Variants in NCAM1 observed in about 807,000 individuals in gnomAD.
NCAM1 encodes the protein antigen recognized by monoclonal antibody 5.1H11.
NCAM1 carries 14 observed loss-of-function variants against 109.8 expected under a neutral mutation model. The observed-to-expected ratio is 0.13, with a 90% CI of 0.08 to 0.20. NCAM1 has a LOEUF of 0.20. Among genes scored for constraint, NCAM1 ranks in the 10% least tolerant of loss-of-function variants. The pLI is 1.00. For missense variants in NCAM1, 774 were observed against 1,109.9 expected, an observed-to-expected ratio of 0.70 and a Z score of 4.30; for synonymous variants, 418 against 442.9, an observed-to-expected ratio of 0.94 and a Z score of 0.70.
intron 1 of NCAM1, among the ~76,000 whole-genome samples, chr11:113,153,784 G>A (rs1555102995): frequency 1.3e-5 from 2 of 152,200 alleles, no homozygotes; most frequent in African/African-American, 4.8e-5. Flanking sequence ...GAAGCTCACA[G>A]GTTTGATCAT....
rs1224273232 is a variant in NCAM1, at chr11:112,963,025, C to T, written c.52+1361C>T. Among the ~76,000 whole-genome samples, 2 of 152,050 alleles carry T rather than the reference C, an allele frequency of 1.3e-5. No homozygotes were observed. ...GGGAGCACCCAGTGCGCCCCCTCCGCGGGCGGCACAAGAGCAGCGCTCGGC... is the reference window on the plus strand; with the variant it reads ...GGGAGCACCCAGTGCGCCCCCTCCGTGGGCGGCACAAGAGCAGCGCTCGGC... On this transcript the variant is annotated intron_variant, in intron 1 of 19. Coordinates refer to ENST00000316851, the MANE Select transcript of NCAM1 (RefSeq NM_181351.5). The surrounding 1 kb of genome is among the most constrained non-coding windows in gnomAD (Gnocchi z 4.6).
chr11:113,037,373 G>A (rs924202457), intron 1 of NCAM1, among the ~76,000 whole-genome samples: 1 of 152,158 alleles, frequency 6.6e-6, no homozygotes, highest in Non-Finnish European at 1.5e-5. Context: ...CCTGGGGTCT[G>A]TTCCCAGGCT....
chr11:112,977,307 T>C (rs1555067856), intron 1 of NCAM1: 1 of 151,896 alleles, frequency 6.6e-6, no homozygotes, highest in African/African-American at 2.4e-5. Flanking sequence ...GCAATCTTTA[T>C]AAGCATATGT....
At chr11:113,239,195 G>A in intron 14 of NCAM1, among the ~76,000 whole-genome samples, 1 of 152,180 alleles carries the variant, frequency 6.6e-6, no homozygotes, top group Non-Finnish European at 1.5e-5. Flanking sequence ...TAATGAGGAA[G>A]CTGTGACCCC....
At chr11:113,137,353 T>G (rs2136170193) in intron 1 of NCAM1, among the ~76,000 whole-genome samples, 1 of 152,360 alleles carries the variant, frequency 6.6e-6, no homozygotes, top group East Asian at 1.9e-4. Flanking sequence ...AAAGGAGAAC[T>G]CAGAAAATGT....
At chr11:113,121,638 G>A (rs2136041250) in intron 1 of NCAM1, among the ~76,000 whole-genome samples, 1 of 150,942 alleles carries the variant, frequency 6.6e-6, no homozygotes, top group East Asian at 2.0e-4. Flanking sequence ...AGAATTTACT[G>A]TGGATTTCGG....
chr11:113,221,453 G>T (rs1324201786), intron 9 of NCAM1, 128 bp downstream of exon 9: 2 of 969,860 alleles, frequency 2.1e-6, no homozygotes, highest in South Asian at 1.5e-5. Context: ...GTCGATAGTG[G>T]TAGACATTAC....
chr11:113,188,208 C>T (rs75627963), intron 1 of NCAM1, among the ~76,000 whole-genome samples: 3,983 of 152,164 alleles, frequency 0.026, 169 homozygotes, highest in African/African-American at 0.091. Flanking sequence ...ACGGGCATGT[C>T]GGGGAGATCC....
intron 1 of NCAM1, among the ~76,000 whole-genome samples, chr11:113,181,630 C>G (rs1321802435): frequency 6.6e-6 from 1 of 152,080 alleles, no homozygotes; most frequent in Non-Finnish European, 1.5e-5. Context: ...GCATGTTTAC[C>G]TATGCAACAA....
chr11:113,242,292 C>A (rs566188201), intron 14 of NCAM1, among the ~76,000 whole-genome samples: 2 of 152,306 alleles, frequency 1.3e-5, no homozygotes, highest in African/African-American at 4.8e-5. Flanking sequence ...CTCTGATCAT[C>A]TCTTTTAAAT....
chr11:113,232,322 A>T lies in NCAM1; in HGVS notation c.1393A>T (p.Ile465Phe). 6.2e-7 allele frequency: 1 copy of T among 1,613,034 alleles called. No individual in the cohort carries two copies. Among genetic ancestry groups the T allele is most frequent in the Admixed American group, 1.7e-5 (1 of 59,960 alleles). ...AAGCTCCAATTACAGCAATATCAAG[A>T]TCTACAACACCCCCTCTGCCAGCTA... ...LPSSNYSNIKIYNTPSASYLE... is the reference protein window; with the variant it reads ...LPSSNYSNIKFYNTPSASYLE... The change falls in exon 11 of 20, where the codon ATC (isoleucine) becomes TTC (phenylalanine). Residue 465 changes from isoleucine (I) to phenylalanine (F), a missense_variant. This residue lies in a region of NCAM1 where 523 missense variants were observed against 784.2 expected (regional missense o/e 0.67). Transcript: ENST00000316851.
chr11:112,972,651 CAAAT>C (rs1950912803), intron 1 of NCAM1, among the ~76,000 whole-genome samples: 1 of 152,030 alleles, frequency 6.6e-6, no homozygotes, highest in Non-Finnish European at 1.5e-5. Flanking sequence ...CTTTGCAAAA[CAAAT>C]AGTGCAGTAA....
At chr11:113,031,623 TG>T (rs781904159) in intron 1 of NCAM1, among the ~76,000 whole-genome samples, 36 of 150,700 alleles carry the variant, frequency 2.4e-4, no homozygotes, top group Admixed American at 2.0e-4. Context: ...ACCCAGGAGG[TG>T]GAGGTTGCAG....
intron 1 of NCAM1, among the ~76,000 whole-genome samples, chr11:113,164,856 G>A (rs1439568764): frequency 6.6e-6 from 1 of 152,120 alleles, no homozygotes; most frequent in Non-Finnish European, 1.5e-5. Flanking sequence ...CTCAAAGGCT[G>A]TAGAGCAGGG....
At chr11:113,024,888 G>A (rs572126555) in intron 1 of NCAM1, among the ~76,000 whole-genome samples, 17 of 152,292 alleles carry the variant, frequency 1.1e-4, no homozygotes, top group Non-Finnish European at 2.2e-4. Flanking sequence ...GTGGTAGGTG[G>A]TTTCAAAAAC....
chr11:113,009,319 T>TGTTG lies in NCAM1; in HGVS notation c.52+47655_52+47656insGTTG, dbSNP rs60538832. Among the ~76,000 whole-genome samples, 316 of 92,326 alleles carry TGTTG rather than the reference T, an allele frequency of 3.4e-3. 5 individuals are homozygous for TGTTG. Among genetic ancestry groups the TGTTG allele is most frequent in the African/African-American group, 6.7e-3 (189 of 28,408 alleles). The allele number at this position is 92,326 out of a possible 152,430, so 60.6% of individuals were successfully genotyped here. On this transcript the variant is annotated intron_variant, in intron 1 of 19. Transcript: ENST00000316851. ...TTGGAAGGGTTTTTTCGGGTTTTTTTTTTTTTTTTTTTTTTTTTTTTTATT... is the reference window on the plus strand; with the variant it reads ...TTGGAAGGGTTTTTTCGGGTTTTTTTGTTGTTTTTTTTTTTTTTTTTTTTTTATT...
At chr11:112,993,625 T>A (rs186612002) in intron 1 of NCAM1, among the ~76,000 whole-genome samples, 117 of 152,348 alleles carry the variant, frequency 7.7e-4, no homozygotes, top group African/African-American at 2.8e-3. Flanking sequence ...CATTTGTTTT[T>A]AAAATTTTTA....
chr11:113,209,674 C>T (rs570474532), intron 7 of NCAM1, among the ~76,000 whole-genome samples: 1 of 152,310 alleles, frequency 6.6e-6, no homozygotes, highest in African/African-American at 2.4e-5. Flanking sequence ...TGAGTGACTG[C>T]TGTGGACTCA....
At chr11:112,985,132 A>G (rs946461225) in intron 1 of NCAM1, among the ~76,000 whole-genome samples, 2 of 151,702 alleles carry the variant, frequency 1.3e-5, no homozygotes, top group Admixed American at 1.3e-4. Context: ...TCTTTTCCCT[A>G]TTATGATTTC....
Sources: gnomAD v4.1 joint callset for allele counts (sites outside exome capture counted in the v4.1 genomes callset) on GRCh38, gnomAD v4.1.1 for gene constraint, gnomAD v4.1.1 regional missense constraint, Gnocchi (gnomAD v3.1) non-coding constraint, MANE v1.5 for transcripts, NCBI Gene and HGNC (gene_info 2026-07-23, HGNC 2026-07-21) for gene names.